Variants in RRP1B observed in about 807,000 individuals in gnomAD.
RRP1B encodes ribosomal RNA processing protein 1 homolog B.
RRP1B carries 56 observed loss-of-function variants against 80.2 expected under a neutral mutation model. That is an observed-to-expected ratio of 0.70 (90% CI 0.56 to 0.87). RRP1B has a LOEUF of 0.87. Among genes scored for constraint, RRP1B ranks in the 40% least tolerant of loss-of-function variants. The pLI is 0.00. For missense variants in RRP1B, 807 were observed against 939.8 expected (o/e 0.86, Z 1.85); for synonymous variants, 351 against 357.6 (o/e 0.98, Z 0.21).
In RRP1B at chr21:43,691,634, TTTA is replaced by T. The variant is rs1165980162; in HGVS notation, c.2083+135_2083+137del. 431 of 604,774 alleles carry T rather than the reference TTTA, an allele frequency of 7.1e-4. No individual in the cohort carries two copies. Among genetic ancestry groups the T allele is most frequent in the African/African-American group, 1.7e-3 (71 of 41,184 alleles). The allele number at this position is 604,774 out of a possible 1,614,324, so 37.5% of individuals were successfully genotyped here. ...GCTCCTCACTGCCCATTTCTTTATT[TTTA>T]TTTTTTTTTTTTTTTTGAGACAGAG... On this transcript the variant is annotated intron_variant, in intron 15 of 15. Coordinates refer to ENST00000340648, the MANE Select transcript of RRP1B (RefSeq NM_015056.3). This position sits in a 1 kb window ranked among gnomAD's most constrained non-coding sequence, Gnocchi z 4.2.
chr21:43,672,431 G>A, intron 3 of RRP1B, 66 bp downstream of exon 3: 2 of 1,359,266 alleles, frequency 1.5e-6, no homozygotes, highest in East Asian at 2.3e-5. Flanking sequence ...TGGGAACCTT[G>A]TGCCGGTATT....
At position 43,676,337 on chromosome 21, in the gene RRP1B, G is replaced by C; in HGVS notation, c.614+1G>C. On this transcript the variant is annotated splice_donor_variant, in intron 7 of 15. Coordinates refer to ENST00000340648, the MANE Select transcript of RRP1B (RefSeq NM_015056.3). LOFTEE classifies it high-confidence loss of function. ...GCAAAATTGCTGCGAAGACGAAGGA[G>C]TAAGTGATTCCCCTGTTCGTTCCTC... is the stretch of plus-strand genomic sequence containing the variant. 1 of 1,607,586 alleles carries C rather than the reference G, an allele frequency of 6.2e-7. No individual in the cohort carries two copies. Among genetic ancestry groups the C allele is most frequent in the Non-Finnish European group, 8.5e-7 (1 of 1,174,534 alleles).
At chr21:43,686,465 G>A (rs998619157) in intron 11 of RRP1B, 30 of 234,648 alleles carry the variant, frequency 1.3e-4, no homozygotes, top group African/African-American at 6.4e-4. Flanking sequence ...ACAAGTCAGT[G>A]AAGTTACCCC....
At chr21:43,688,858 C>T (rs1317361606) in intron 13 of RRP1B, among the ~76,000 whole-genome samples, 1 of 152,198 alleles carries the variant, frequency 6.6e-6, no homozygotes, top group African/African-American at 2.4e-5. Flanking sequence ...GGCACAATCT[C>T]GGCTCACTGC....
intron 4 of RRP1B, 102 bp from the exon 5 acceptor site, chr21:43,674,534 A>C: frequency 2.4e-6 from 2 of 834,186 alleles, no homozygotes; most frequent in Non-Finnish European, 3.7e-6. Context: ...AGGCCATAAC[A>C]ATTTCATTGG....
In RRP1B at chr21:43,684,659, C is replaced by T. The variant is rs1011766480; in HGVS notation, c.989+9C>T. The T allele has an allele frequency of 6.2e-7, 1 of 1,607,866 alleles. No individual in the cohort carries two copies. The highest frequency in any genetic ancestry group is 8.5e-7 in the Non-Finnish European group (1 of 1,174,318). On this transcript the variant is annotated intron_variant, in intron 10 of 15. Coordinates refer to ENST00000340648, the MANE Select transcript of RRP1B (RefSeq NM_015056.3). ...TCCAAACTCATCAAGAAGTCAGTAA[C>T]TGGGGAGAGGGTTCTGACATCATCA...
intron 8 of RRP1B, among the ~76,000 whole-genome samples, chr21:43,682,905 C>T (rs781143044): frequency 3.3e-5 from 5 of 152,150 alleles, no homozygotes; most frequent in Non-Finnish European, 5.9e-5. Flanking sequence ...GACGGAGTCT[C>T]GTTGTCGCCC....
In RRP1B at chr21:43,691,469, G is replaced by A; in HGVS notation, c.2050G>A (p.Val684Ile). ...CAAGACACCATCCAGCTCCAAGAAAGTCACCTTTGGGCTGAACAGAAACAT... is the reference window on the plus strand; with the variant it reads ...CAAGACACCATCCAGCTCCAAGAAAATCACCTTTGGGCTGAACAGAAACAT... The part of the protein sequence containing the change: ...LNKTPSSSKK[V>I]TFGLNRNMTA... Residue 684 changes from valine (V) to isoleucine (I), a missense_variant, in exon 15 of 16, where the codon GTC becomes ATC. By Grantham distance (29) the Val-to-Ile change is conservative. Coordinates refer to ENST00000340648, the MANE Select transcript of RRP1B (RefSeq NM_015056.3). This position sits in a 1 kb window ranked among gnomAD's most constrained non-coding sequence, Gnocchi z 4.2. 1 of 1,614,062 alleles carries A rather than the reference G, an allele frequency of 6.2e-7. No homozygotes were observed. Among genetic ancestry groups the A allele is most frequent in the East Asian group, 2.2e-5 (1 of 44,882 alleles).
In RRP1B at chr21:43,693,051, T is replaced by C. The variant is rs1029949277; in HGVS notation, c.2084-139T>C. The C allele has an allele frequency of 1.8e-5, 14 of 792,302 alleles. No individual in the cohort carries two copies. In the African/African-American group the frequency reaches 2.5e-4, roughly 14 times the overall value. 49.1% of individuals were successfully genotyped at this position (792,302 alleles called of 1,614,324 possible). On this transcript the variant is annotated intron_variant, in intron 15 of 15. Transcript: ENST00000340648. The surrounding 1 kb of genome is among the most constrained non-coding windows in gnomAD (Gnocchi z 4.1). ...TTCCTCAGAAGGCTCTTGGGCCTGCTCTCTGCAGGGCCTTGAGATGGCCCT... is the reference window on the plus strand; with the variant it reads ...TTCCTCAGAAGGCTCTTGGGCCTGCCCTCTGCAGGGCCTTGAGATGGCCCT...
chr21:43,672,456 G>A, intron 3 of RRP1B, 91 bp downstream of exon 3: 1 of 1,091,164 alleles, frequency 9.2e-7, no homozygotes, highest in Non-Finnish European at 1.4e-6. Context: ...AGATGTCAGG[G>A]GACAAGCCAT....
At chr21:43,672,480 A>G in intron 3 of RRP1B, 115 bp downstream of exon 3, 1 of 888,746 alleles carries the variant, frequency 1.1e-6, no homozygotes, top group African/African-American at 1.6e-5. Context: ...TGTTTTTAAA[A>G]GCTGTGATAA....
chr21:43,691,603 G>C lies in RRP1B; in HGVS notation c.2083+101G>C. 1.1e-6 allele frequency: 1 copy of C among 918,502 alleles called. No individual in the cohort carries two copies. 56.9% of individuals were successfully genotyped at this position (918,502 alleles called of 1,614,324 possible). On this transcript the variant is annotated intron_variant, in intron 15 of 15. Transcript: ENST00000340648. The surrounding 1 kb of genome is among the most constrained non-coding windows in gnomAD (Gnocchi z 4.2). ...CACAAGGCGGTCGGGGAAGAGGGGG[G>C]TCCTAGCTCCTCACTGCCCATTTCT...
intron 1 of RRP1B, among the ~76,000 whole-genome samples, chr21:43,665,186 A>T (rs1007498205): frequency 6.6e-6 from 1 of 152,216 alleles, no homozygotes; most frequent in Non-Finnish European, 1.5e-5. Context: ...TGTTGGCTTG[A>T]CCCAATGGTA....
In RRP1B at chr21:43,659,959, G is replaced by A. The variant is rs2082943104; in HGVS notation, c.130+165G>A. ...GGAACCGCTTCTTGCTGTGTCTAGT[G>A]CCTTTTTACACTTAAGGAAACGGGT... On this transcript the variant is annotated intron_variant, in intron 1 of 15. Coordinates refer to ENST00000340648, the MANE Select transcript of RRP1B (RefSeq NM_015056.3). This position sits in a 1 kb window ranked among gnomAD's most constrained non-coding sequence, Gnocchi z 4.2. Among the ~76,000 whole-genome samples the A allele has an allele frequency of 6.6e-6, 1 of 152,234 alleles. No homozygotes were observed. Among genetic ancestry groups the A allele is most frequent in the African/African-American group, 2.4e-5 (1 of 41,470 alleles).
rs201596704 is a variant in RRP1B at position 43,688,163 on chromosome 21, A to G, written c.1789A>G (p.Lys597Glu). ...GAAAACAGCAAGTTTGAAAAAGAGG[A>G]AGAAAATGAGAGTGATGTCAAACTT... ...SQKTASLKKR[K>E]KMRVMSNLVE... The change falls in exon 13 of 16, where the codon AAG becomes GAG. Residue 597 changes from lysine to glutamate, a missense_variant. Coordinates refer to ENST00000340648, the MANE Select transcript of RRP1B (RefSeq NM_015056.3). 252 of 1,577,662 alleles carry G rather than the reference A, an allele frequency of 1.6e-4. No homozygotes were observed. Among genetic ancestry groups the G allele is most frequent in the Middle Eastern group, 6.7e-4 (4 of 5,954 alleles).
At chr21:43,689,910 A>G (rs1038154710) in intron 13 of RRP1B, among the ~76,000 whole-genome samples, 1 of 152,264 alleles carries the variant, frequency 6.6e-6, no homozygotes, top group Non-Finnish European at 1.5e-5. Flanking sequence ...ACAGCCCCAC[A>G]TGGGCATCAC....
intron 10 of RRP1B, 26 bp downstream of exon 10, chr21:43,684,676 ACAT>A (rs752028000): frequency 3.2e-6 from 5 of 1,564,244 alleles, no homozygotes; most frequent in Non-Finnish European, 3.5e-6. Context: ...GAGGGTTCTG[ACAT>A]CATCATTCCT....
At chr21:43,682,775 T>C (rs1020729729) in intron 8 of RRP1B, among the ~76,000 whole-genome samples, 1 of 152,246 alleles carries the variant, frequency 6.6e-6, no homozygotes, top group African/African-American at 2.4e-5. Flanking sequence ...AACATGTGCT[T>C]TTTCCCAGAC....
Position 43,675,058 on chromosome 21 carries a change from C to T in RRP1B, c.444C>T (p.Val148=). The T allele has an allele frequency of 6.2e-7, 1 of 1,614,020 alleles. No individual in the cohort carries two copies. The highest frequency in any genetic ancestry group is 8.5e-7 in the Non-Finnish European group (1 of 1,179,978). The part of the protein sequence containing the change: ...EESRIKVFLD[V]LMKEVLCPES... ...GCCGAATCAAGGTTTTCTTGGATGT[C>T]CTGATGAAGGAGGTCCTGTGTCCTG... The change falls in exon 6 of 16, where the codon GTC becomes GTT. Residue 148 remains valine, a synonymous_variant. Coordinates refer to ENST00000340648, the MANE Select transcript of RRP1B (RefSeq NM_015056.3).
Sources: gnomAD v4.1 joint callset for allele counts (sites outside exome capture counted in the v4.1 genomes callset) on GRCh38, gnomAD v4.1.1 for gene constraint, Gnocchi (gnomAD v3.1) non-coding constraint, MANE v1.5 for transcripts, NCBI Gene and HGNC (gene_info 2026-07-23, HGNC 2026-07-21) for gene names.